The following CLASP1 variants were observed in gnomAD, a reference collection of about 807,000 sequenced individuals.
CLASP1 encodes the protein CLIP-associating protein 1.
Under a neutral mutation model 192.3 loss-of-function variants are expected in CLASP1, and 38 were observed. The ratio of observed to expected loss-of-function variants is 0.20; its 90% CI spans 0.15 to 0.26. CLASP1 has a LOEUF of 0.26. CLASP1 is among the 10% of genes least tolerant of loss of function. The pLI is 1.00. For synonymous variants in CLASP1, 691 were observed against 712.8 expected (o/e 0.97, Z 0.49); for missense variants, 1,433 against 1,932.5 (o/e 0.74, Z 4.85).
At chr2:121,425,328 A>T (rs778329252) in intron 21 of CLASP1, 22 bp from the exon 22 acceptor site, 1 of 1,606,624 alleles carries the variant, frequency 6.2e-7, no homozygotes, top group Non-Finnish European at 8.5e-7. Context: ...GCAAAATGAC[A>T]ATGAATAATA....
intron 27 of CLASP1, 45 bp from the exon 29 acceptor site, chr2:121,401,717 A>G (rs376407232): frequency 2.5e-4 from 375 of 1,518,668 alleles, no homozygotes; most frequent in Non-Finnish European, 3.3e-4. Context: ...TGAATTCACG[A>G]TCTCCTCCAA....
intron 34 of CLASP1, among the ~76,000 whole-genome samples, chr2:121,369,079 CTG>C (rs1452479418): frequency 6.6e-6 from 1 of 152,246 alleles, no homozygotes; most frequent in Admixed American, 6.5e-5. Flanking sequence ...ACACATTCCA[CTG>C]TGTGTATATA....
intron 2 of CLASP1, among the ~76,000 whole-genome samples, chr2:121,558,930 T>C (rs938164369): frequency 6.6e-6 from 1 of 152,206 alleles, no homozygotes; most frequent in Non-Finnish European, 1.5e-5. Context: ...GCTTTCAACC[T>C]GGCCTGGGAA....
chr2:121,500,413 GAAA>G (rs1306285861), intron 8 of CLASP1, among the ~76,000 whole-genome samples: 3 of 132,662 alleles, frequency 2.3e-5, no homozygotes, highest in South Asian at 4.8e-4. Flanking sequence ...AAGAAAGAAA[GAAA>G]AAAAAGAAAA....
intron 1 of CLASP1, among the ~76,000 whole-genome samples, chr2:121,607,174 T>C (rs2064543879): frequency 6.6e-6 from 1 of 151,984 alleles, no homozygotes; most frequent in Admixed American, 6.6e-5. Flanking sequence ...AAACCCTGTC[T>C]CTAAAAATAT....
chr2:121,614,705 A>C (rs2066174234), intron 1 of CLASP1, among the ~76,000 whole-genome samples: 1 of 152,180 alleles, frequency 6.6e-6, no homozygotes, highest in Admixed American at 6.5e-5. Context: ...ACTTTTATTT[A>C]CTCATCAATT....
Position 121,458,509 on chromosome 2 carries a change from G to T in CLASP1, c.1314+331C>A, listed in dbSNP as rs1385713604. Among the ~76,000 whole-genome samples the T allele has an allele frequency of 2.6e-5, 4 of 152,150 alleles. No individual in the cohort carries two copies. In the South Asian group the frequency reaches 8.3e-4, roughly 32 times the overall value. On this transcript the variant is annotated intron_variant, in intron 13 of 39. Coordinates refer to ENST00000263710, the Ensembl canonical transcript of CLASP1. Reference sequence around the variant, plus strand: ...AAACGGAAGGACTGGGACTAAGGAGGTAAGACTAAGAGTAATATCCGAGTA... The same window carrying T: ...AAACGGAAGGACTGGGACTAAGGAGTTAAGACTAAGAGTAATATCCGAGTA...
chr2:121,348,788 TTG>T, intron 37 of CLASP1, 70 bp from the exon 39 acceptor site: 1 of 1,370,336 alleles, frequency 7.3e-7, no homozygotes, highest in Non-Finnish European at 9.8e-7. Context: ...AACATCACTT[TTG>T]ATTTCAGAGG....
chr2:121,374,383 G>A (rs2069485220), intron 34 of CLASP1, among the ~76,000 whole-genome samples: 2 of 152,240 alleles, frequency 1.3e-5, no homozygotes, highest in South Asian at 4.1e-4. Flanking sequence ...TGCAGGGGCA[G>A]AGCCCTCATG....
chr2:121,448,216 A>AGCTGCAAGAG, intron 18 of CLASP1, 60 bp downstream of exon 18: 1 of 1,448,430 alleles, frequency 6.9e-7, no homozygotes, highest in Non-Finnish European at 9.7e-7. Context: ...AGCCTCTTGC[A>AGCTGCAAGAG]GCTGCACGTA....
intron 2 of CLASP1, among the ~76,000 whole-genome samples, chr2:121,597,815 G>A (rs2063315230): frequency 6.6e-6 from 1 of 152,226 alleles, no homozygotes; most frequent in Non-Finnish European, 1.5e-5. Context: ...TTACTGCACT[G>A]CTGCGCAGAA....
At chr2:121,396,716 T>A (rs1574295779) in intron 30 of CLASP1, among the ~76,000 whole-genome samples, 1 of 152,230 alleles carries the variant, frequency 6.6e-6, no homozygotes, top group Non-Finnish European at 1.5e-5. Flanking sequence ...GTGCTACGTA[T>A]TGAAAGACGT....
intron 2 of CLASP1, chr2:121,530,788 C>T: frequency 3.4e-6 from 2 of 589,064 alleles, no homozygotes; most frequent in Middle Eastern, 4.5e-4. Flanking sequence ...AAGCTAGCTA[C>T]CAGACCGACT....
At chr2:121,582,079 T>C (rs556562286) in intron 2 of CLASP1, among the ~76,000 whole-genome samples, 1 of 145,638 alleles carries the variant, frequency 6.9e-6, no homozygotes, top group African/African-American at 2.6e-5. Context: ...AGGAGAATCA[T>C]CTGAACCCAG....
intron 33 of CLASP1, among the ~76,000 whole-genome samples, chr2:121,378,239 T>C (rs140907959): frequency 2.0e-4 from 30 of 152,280 alleles, no homozygotes; most frequent in Admixed American, 9.1e-4. Flanking sequence ...TCTCACATCA[T>C]CTCACCCATG....
chr2:121,424,842 A>G (rs925374729), intron 22 of CLASP1, among the ~76,000 whole-genome samples: 1 of 152,212 alleles, frequency 6.6e-6, no homozygotes, highest in African/African-American at 2.4e-5. Context: ...CACTGCTTCT[A>G]ATTGTGGGGG....
intron 1 of CLASP1, among the ~76,000 whole-genome samples, chr2:121,626,134 T>C (rs533622372): frequency 6.6e-6 from 1 of 151,158 alleles, no homozygotes; most frequent in Non-Finnish European, 1.5e-5. Context: ...ACATCTGATA[T>C]GTCATTTGAT....
chr2:121,530,439 A>G, intron 2 of CLASP1, 114 bp from the exon 3 acceptor site: 1 of 710,008 alleles, frequency 1.4e-6, no homozygotes, highest in Non-Finnish European at 2.4e-6. Flanking sequence ...CCGAGAGTCC[A>G]GACGCATGCC....
intron 19 of CLASP1, chr2:121,445,074 A>T (rs1265975213): frequency 1.8e-6 from 1 of 566,634 alleles, no homozygotes; most frequent in Non-Finnish European, 3.0e-6. Flanking sequence ...GTACAATTTA[A>T]AACAAAATTA....
Sources: gnomAD v4.1 joint callset for allele counts (sites outside exome capture counted in the v4.1 genomes callset) on GRCh38, gnomAD v4.1.1 for gene constraint, MANE v1.5 for transcripts, NCBI Gene and HGNC (gene_info 2026-07-23, HGNC 2026-07-21) for gene names.